Variants in TRIM17 observed in about 807,000 individuals in gnomAD.
TRIM17 encodes the protein tripartite motif containing 17, also known as E3 ubiquitin-protein ligase TRIM17.
In TRIM17, 27 loss-of-function variants were observed where a neutral mutation model predicts 35.8. That is an observed-to-expected ratio of 0.75 (90% CI 0.56 to 1.04). The LOEUF is 1.04. TRIM17 is among the 50% of genes least tolerant of loss of function. TRIM17 has a pLI of 0.00. For synonymous variants in TRIM17, 246 were observed against 252.6 expected (o/e 0.97, Z 0.25); for missense variants, 582 against 612.8 (o/e 0.95, Z 0.53).
In TRIM17 at chr1:228,411,088, T is replaced by C; in HGVS notation, c.614A>G (p.Gln205Arg). 3 of 1,614,118 alleles carry C rather than the reference T, an allele frequency of 1.9e-6. No individual in the cohort carries two copies. The highest frequency in any genetic ancestry group is 2.5e-6 in the Non-Finnish European group (3 of 1,180,014). Residue 205 changes from glutamine (Q) to arginine (R), a missense_variant, in exon 4 of 7, where the codon CAG (glutamine) becomes CGG (arginine). Transcript: ENST00000366698. This position sits in a 1 kb window ranked among gnomAD's most constrained non-coding sequence, Gnocchi z 4.2. Reference protein sequence around the residue: ...YLVEEEQRLLQALETEEEETA... With the variant: ...YLVEEEQRLLRALETEEEETA... The stretch of plus-strand genomic sequence containing the variant: ...CTCCTCTTCTTCCGTCTCCAGAGCC[T>C]GGAGGAGCCTCTGCTCTTCTTCCAC...
At chr1:228,415,564 A>G (rs1441019542) in intron 1 of TRIM17, 1 of 154,852 alleles carries the variant, frequency 6.5e-6, no homozygotes, top group Non-Finnish European at 1.4e-5. Context: ...TCCCCCATAC[A>G]TCCCCAGCTG....
At position 228,416,586 on chromosome 1, in the gene TRIM17, C is replaced by T; in HGVS notation, c.-89G>A. ...AGCGCCTAGTGCACCTGGCCGAGCG[C>T]TCGCTGCCGGGAAAGGCTGGGTCTG... On this transcript the variant is annotated 5_prime_UTR_variant, in exon 1 of 7. Transcript: ENST00000366698. The T allele has an allele frequency of 1.0e-6, 1 of 985,622 alleles. No homozygotes were observed. The highest frequency in any genetic ancestry group is 1.2e-6 in the Non-Finnish European group (1 of 830,256). The allele number at this position is 985,622 out of a possible 1,614,324, so 61.1% of individuals were successfully genotyped here. A position where few individuals can be genotyped will look rare whatever the true frequency, so the allele number is the denominator to read the frequency against.
intron 2 of TRIM17, among the ~76,000 whole-genome samples, chr1:228,414,105 G>C (rs511510): frequency 7.1e-4 from 108 of 152,304 alleles, no homozygotes; most frequent in African/African-American, 2.5e-3. Context: ...TGTGACCCTC[G>C]GCCTTCCTAA....
rs759016733 is a variant in TRIM17 at position 228,409,387 on chromosome 1, A to G, written c.779+2T>C. 6 of 1,571,536 alleles carry G rather than the reference A, an allele frequency of 3.8e-6. No individual in the cohort carries two copies. Among genetic ancestry groups the G allele is most frequent in the East Asian group, 2.3e-5 (1 of 43,940 alleles). ...CCGCCCCTGCCTGAGGGGACCACAT[A>G]CCTGCTCAGGGGTTCCTTCATGTCC... On this transcript the variant is annotated splice_donor_variant, in intron 5 of 6. Coordinates refer to ENST00000366698, the MANE Select transcript of TRIM17 (RefSeq NM_016102.4). LOFTEE classifies it high-confidence loss of function.
intron 3 of TRIM17, 110 bp downstream of exon 3, chr1:228,413,687 C>T: frequency 1.2e-6 from 1 of 863,120 alleles, no homozygotes; most frequent in Non-Finnish European, 1.8e-6. Flanking sequence ...AGGCAACTTT[C>T]TTCTTTTCCT....
chr1:228,408,462 C>T lies in TRIM17; in HGVS notation c.1173G>A (p.Val391=), dbSNP rs761630815. The change falls in exon 7 of 7, where the codon GTG becomes GTA. Residue 391 remains valine, a synonymous_variant. Coordinates refer to ENST00000366698, the MANE Select transcript of TRIM17 (RefSeq NM_016102.4). This position sits in a 1 kb window ranked among gnomAD's most constrained non-coding sequence, Gnocchi z 6.3. Reference sequence around the variant, plus strand: ...AGTACTTGGTCCCCTTGGACAGCTGCACCACCCAGAAGCCGTTTTCGGGGC... The same window carrying T: ...AGTACTTGGTCCCCTTGGACAGCTGTACCACCCAGAAGCCGTTTTCGGGGC... The part of the protein sequence containing the change: ...PKCPENGFWV[V]QLSKGTKYLS... The T allele has an allele frequency of 1.2e-6, 2 of 1,614,090 alleles. No individual in the cohort carries two copies. Among genetic ancestry groups the T allele is most frequent in the Non-Finnish European group, 1.7e-6 (2 of 1,180,040 alleles).
intron 4 of TRIM17, 78 bp from the exon 5 acceptor site, chr1:228,409,489 C>T (rs1656661870): frequency 4.3e-6 from 6 of 1,407,568 alleles, no homozygotes; most frequent in East Asian, 2.5e-5. Flanking sequence ...CCTTCTTGTC[C>T]GTGTCTTAGG....
chr1:228,413,733 G>T, intron 3 of TRIM17, 64 bp downstream of exon 3: 1 of 1,378,104 alleles, frequency 7.3e-7, no homozygotes, highest in Non-Finnish European at 1.0e-6. Flanking sequence ...GGCAGACACA[G>T]ACGTGGAAAT....
At chr1:228,409,030 G>A (rs1656618962) in intron 6 of TRIM17, 142 bp downstream of exon 6, 1 of 1,606,366 alleles carries the variant, frequency 6.2e-7, no homozygotes, top group South Asian at 1.1e-5. Context: ...GCCCTACGAA[G>A]GCACAGTGAA....
chr1:228,416,621 A>C lies in TRIM17; in HGVS notation c.-124T>G, dbSNP rs940323878. ...GGAAAGGCTGGGTCTGCCCCCACGA[A>C]GCCCAGGAGGCTGCGGCCCGGCCCG... On this transcript the variant is annotated 5_prime_UTR_variant, in exon 1 of 7. Coordinates refer to ENST00000366698, the MANE Select transcript of TRIM17 (RefSeq NM_016102.4). 23 of 980,040 alleles carry C rather than the reference A, an allele frequency of 2.3e-5. No homozygotes were observed. The highest frequency in any genetic ancestry group is 2.8e-5 in the Non-Finnish European group (23 of 828,790). 60.7% of individuals were successfully genotyped at this position (980,040 alleles called of 1,614,324 possible). A position where few individuals can be genotyped will look rare whatever the true frequency, so the allele number is the denominator to read the frequency against.
In TRIM17 at chr1:228,408,111, C is replaced by T; in HGVS notation, c.*90G>A. 1 of 1,308,138 alleles carries T rather than the reference C, an allele frequency of 7.6e-7. No homozygotes were observed. Among genetic ancestry groups the T allele is most frequent in the Non-Finnish European group, 1.0e-6 (1 of 961,616 alleles). 81.0% of individuals were successfully genotyped at this position (1,308,138 alleles called of 1,614,324 possible). Reference sequence around the variant, plus strand: ...GTGTCTAATGGCTGCCAGCGTGATGCCAGAGAACCCTGGCAGGTGGCCTGC... The same window carrying T: ...GTGTCTAATGGCTGCCAGCGTGATGTCAGAGAACCCTGGCAGGTGGCCTGC... On this transcript the variant is annotated 3_prime_UTR_variant, in exon 7 of 7. Coordinates refer to ENST00000366698, the MANE Select transcript of TRIM17 (RefSeq NM_016102.4). This position sits in a 1 kb window ranked among gnomAD's most constrained non-coding sequence, Gnocchi z 6.3.
rs990373614 is a variant in TRIM17, at chr1:228,413,989, G to A, written c.430-97C>T. The stretch of plus-strand genomic sequence containing the variant: ...TCGCTGAAACTGCACCCACCCCAGA[G>A]ACCCTCCTCAGGAGGGGCAGGGGAT... On this transcript the variant is annotated intron_variant, in intron 2 of 6. Coordinates refer to ENST00000366698, the MANE Select transcript of TRIM17 (RefSeq NM_016102.4). 7 of 983,076 alleles carry A rather than the reference G, an allele frequency of 7.1e-6. No homozygotes were observed. The African/African-American group carries it at 9.6e-5, about 13-fold the overall frequency. The allele number at this position is 983,076 out of a possible 1,614,324, so 60.9% of individuals were successfully genotyped here.
chr1:228,410,726 T>C lies in TRIM17; in HGVS notation c.756+220A>G, dbSNP rs1448669822. Among the ~76,000 whole-genome samples, 2 of 152,078 alleles carry C rather than the reference T, an allele frequency of 1.3e-5. No individual in the cohort carries two copies. Among genetic ancestry groups the C allele is most frequent in the East Asian group, 1.9e-4 (1 of 5,180 alleles). ...AGACGTGCATAGAGAGATGATGCCATGAGGACGCGGGGAGGAGACGGCATC... is the reference window on the plus strand; with the variant it reads ...AGACGTGCATAGAGAGATGATGCCACGAGGACGCGGGGAGGAGACGGCATC... On this transcript the variant is annotated intron_variant, in intron 4 of 6. Transcript: ENST00000366698. The surrounding 1 kb of genome is among the most constrained non-coding windows in gnomAD (Gnocchi z 4.6).
rs747443166 is a variant in TRIM17, at chr1:228,409,305, T to A, written c.780-30A>T. The A allele has an allele frequency of 1.9e-6, 3 of 1,611,580 alleles. No individual in the cohort carries two copies. The South Asian group carries it at 3.3e-5, about 18-fold the overall frequency. ...GGTGGGCACACACAGGGGAGTCTTA[T>A]TGACTCCCCTGGCCCGACAGTCTTA... On this transcript the variant is annotated intron_variant, in intron 5 of 6. Transcript: ENST00000366698.
Position 228,411,187 on chromosome 1 carries a change from G to A in TRIM17, c.526-11C>T. Reference sequence around the variant, plus strand: ...CTCCTTCACCTTGCCCTGCAGGAGTGGAGAAGCCCAGCATGTTGCCAGCAG... The same window carrying A: ...CTCCTTCACCTTGCCCTGCAGGAGTAGAGAAGCCCAGCATGTTGCCAGCAG... On this transcript the variant is annotated splice_polypyrimidine_tract_variant and intron_variant, in intron 3 of 6. Transcript: ENST00000366698. The surrounding 1 kb of genome is among the most constrained non-coding windows in gnomAD (Gnocchi z 4.2). 6.3e-7 allele frequency: 1 copy of A among 1,591,862 alleles called. No homozygotes were observed. The highest frequency in any genetic ancestry group is 8.6e-7 in the Non-Finnish European group (1 of 1,167,646).
rs543032513 is a variant in TRIM17 at position 228,410,512 on chromosome 1, G to A, written c.756+434C>T. Among the ~76,000 whole-genome samples the A allele has an allele frequency of 6.6e-6, 1 of 152,118 alleles. No homozygotes were observed. Among genetic ancestry groups the A allele is most frequent in the Admixed American group, 6.5e-5 (1 of 15,286 alleles). Reference sequence around the variant, plus strand: ...GGACTTGGAAGGAAATGGGGACACTGTCTCAGGTTGGAACCTGTAAGGGGC... The same window carrying A: ...GGACTTGGAAGGAAATGGGGACACTATCTCAGGTTGGAACCTGTAAGGGGC... On this transcript the variant is annotated intron_variant, in intron 4 of 6. Coordinates refer to ENST00000366698, the MANE Select transcript of TRIM17 (RefSeq NM_016102.4). This position sits in a 1 kb window ranked among gnomAD's most constrained non-coding sequence, Gnocchi z 4.6.
chr1:228,414,105 G>A (rs511510), intron 2 of TRIM17, among the ~76,000 whole-genome samples: 2 of 152,186 alleles, frequency 1.3e-5, no homozygotes, highest in Non-Finnish European at 2.9e-5. Flanking sequence ...TGTGACCCTC[G>A]GCCTTCCTAA....
At position 228,416,718 on chromosome 1, in the gene TRIM17, A is replaced by AGGGGGGGGGGGGGGGGGGGGGGGGGGG; in HGVS notation, c.-222_-221insCCCCCCCCCCCCCCCCCCCCCCCCCCC. ...AGCGGGGGCTGGGGGGCGGCGGGGG[A>AGGGGGGGGGGGGGGGGGGGGGGGGGGG]GGGGAATGCTGGGCGAGGGAGTGTT... On this transcript the variant is annotated 5_prime_UTR_variant, in exon 1 of 7. Coordinates refer to ENST00000366698, the MANE Select transcript of TRIM17 (RefSeq NM_016102.4). 1 of 267,900 alleles carries AGGGGGGGGGGGGGGGGGGGGGGGGGGG rather than the reference A, an allele frequency of 3.7e-6. No homozygotes were observed. Among genetic ancestry groups the AGGGGGGGGGGGGGGGGGGGGGGGGGGG allele is most frequent in the South Asian group, 1.8e-4 (1 of 5,704 alleles). The allele number at this position is 267,900 out of a possible 1,614,324, so 16.6% of individuals were successfully genotyped here.
intron 6 of TRIM17, 33 bp downstream of exon 6, chr1:228,409,139 G>A (rs892612709): frequency 1.2e-6 from 2 of 1,613,890 alleles, no homozygotes; most frequent in Admixed American, 1.7e-5. Context: ...AGAGATCCTG[G>A]GTCAGAGGTC....
Sources: gnomAD v4.1 joint callset for allele counts (sites outside exome capture counted in the v4.1 genomes callset) on GRCh38, gnomAD v4.1.1 for gene constraint, Gnocchi (gnomAD v3.1) non-coding constraint, MANE v1.5 for transcripts, NCBI Gene and HGNC (gene_info 2026-07-23, HGNC 2026-07-21) for gene names.